CTNNA2: variants seen among roughly 807,000 people sequenced by gnomAD.
The protein encoded by CTNNA2 is catenin alpha-2.
In CTNNA2, 42 loss-of-function variants were observed where a neutral mutation model predicts 101.0. The observed-to-expected ratio is 0.42, with a 90% CI of 0.32 to 0.54. The LOEUF is 0.54. Among genes scored for constraint, CTNNA2 ranks in the 20% least tolerant of loss-of-function variants. CTNNA2 has a pLI of 0.14. For synonymous variants in CTNNA2, 450 were observed against 456.4 expected (o/e 0.99, Z 0.18); for missense variants, 871 against 1,223.1 (o/e 0.71, Z 4.29).
chr2:79,819,576 A>C (rs1484164807), intron 3 of CTNNA2, among the ~76,000 whole-genome samples: 1 of 152,224 alleles, frequency 6.6e-6, no homozygotes, highest in African/African-American at 2.4e-5. Flanking sequence ...ATAAGACTAT[A>C]AGAAATTCAA....
intron 2 of CTNNA2, among the ~76,000 whole-genome samples, chr2:79,306,738 A>G (rs1186134234): frequency 6.6e-6 from 1 of 152,188 alleles, no homozygotes; most frequent in Non-Finnish European, 1.5e-5. Flanking sequence ...GAATAACTAT[A>G]ATAGTTTTCA....
intron 6 of CTNNA2, among the ~76,000 whole-genome samples, chr2:79,885,296 C>G (rs899834744): frequency 6.6e-6 from 1 of 152,162 alleles, no homozygotes; most frequent in Non-Finnish European, 1.5e-5. Flanking sequence ...TGTTGTGCCT[C>G]CATTTCAAAT....
intron 18 of CTNNA2, among the ~76,000 whole-genome samples, chr2:80,632,094 A>G (rs1672360183): frequency 6.6e-6 from 1 of 152,172 alleles, no homozygotes; most frequent in South Asian, 2.1e-4. Context: ...CCAAGGAAAC[A>G]TAAGAGAATC....
intron 7 of CTNNA2, among the ~76,000 whole-genome samples, chr2:80,265,777 T>C: frequency 6.6e-6 from 1 of 152,194 alleles, no homozygotes; most frequent in East Asian, 1.9e-4. Context: ...TGGACACAGA[T>C]AACAACTGAG....
At chr2:80,374,420 T>C (rs1381092306) in intron 7 of CTNNA2, among the ~76,000 whole-genome samples, 4 of 152,210 alleles carry the variant, frequency 2.6e-5, no homozygotes, top group South Asian at 2.1e-4. Flanking sequence ...CAGTATTCCA[T>C]GGTGTATATG....
intron 16 of CTNNA2, 140 bp from the exon 17 acceptor site, chr2:80,608,044 G>T: frequency 4.7e-6 from 3 of 644,886 alleles, no homozygotes; most frequent in Non-Finnish European, 4.8e-6. Context: ...TTTCTAAAAT[G>T]CACTGTGAAA....
chr2:80,600,960 G>A (rs540505247), intron 15 of CTNNA2, among the ~76,000 whole-genome samples: 10 of 152,194 alleles, frequency 6.6e-5, no homozygotes, highest in African/African-American at 1.9e-4. Flanking sequence ...CTTTATTCTC[G>A]ACTAGTTGTA....
intron 7 of CTNNA2, among the ~76,000 whole-genome samples, chr2:79,933,666 G>T (rs1438078331): frequency 6.6e-6 from 1 of 152,054 alleles, no homozygotes; most frequent in Admixed American, 6.6e-5. Context: ...TGTTGGCCAG[G>T]CTGGTCTCGA....
At chr2:79,454,160 T>C (rs1670787926) in intron 4 of CTNNA2, among the ~76,000 whole-genome samples, 2 of 152,176 alleles carry the variant, frequency 1.3e-5, no homozygotes, top group African/African-American at 4.8e-5. Context: ...ATTTGCAAGA[T>C]TGTTTTTAAC....
At chr2:80,419,221 C>A (rs1470063235) in intron 8 of CTNNA2, among the ~76,000 whole-genome samples, 3 of 152,150 alleles carry the variant, frequency 2.0e-5, no homozygotes, top group Non-Finnish European at 4.4e-5. Context: ...GTGTATTGAG[C>A]AACAGGCCAT....
rs147165384 is a variant in CTNNA2, at chr2:79,741,915, C to T, written c.103-2472C>T. 7.5e-3 allele frequency among the ~76,000 whole-genome samples: 1,137 copies of T among 152,250 alleles called. 11 individuals carry two copies. Among genetic ancestry groups the T allele is most frequent in the South Asian group, 0.018 (87 of 4,820 alleles). ...AGCATTGACAATTGTTTATTCCGAG[C>T]TGATTATGACATGAGCCTTTATGGA... On this transcript the variant is annotated intron_variant, in intron 2 of 18. Coordinates refer to ENST00000402739, the MANE Select transcript of CTNNA2 (RefSeq NM_001282597.3).
chr2:80,337,945 G>A (rs963166110), intron 7 of CTNNA2, among the ~76,000 whole-genome samples: 4 of 152,072 alleles, frequency 2.6e-5, no homozygotes, highest in Non-Finnish European at 4.4e-5. Context: ...TTCCTAGAGC[G>A]GAATGTATGG....
At chr2:79,642,331 C>A (rs574289404) in intron 1 of CTNNA2, among the ~76,000 whole-genome samples, 2 of 152,172 alleles carry the variant, frequency 1.3e-5, no homozygotes, top group African/African-American at 4.8e-5. Context: ...ACCCGCACCC[C>A]ACCCTGCCTT....
intron 5 of CTNNA2, among the ~76,000 whole-genome samples, chr2:79,506,169 G>A (rs1671409063): frequency 6.6e-6 from 1 of 152,180 alleles, no homozygotes; most frequent in South Asian, 2.1e-4. Flanking sequence ...GTGCATGTGT[G>A]CATTTGTATG....
At chr2:80,568,647 T>G (rs188519631) in intron 12 of CTNNA2, among the ~76,000 whole-genome samples, 26 of 152,164 alleles carry the variant, frequency 1.7e-4, no homozygotes, top group African/African-American at 6.3e-4. Context: ...CTGTCTACTT[T>G]GGGTTCTGAG....
At chr2:80,245,080 G>A (rs918110800) in intron 7 of CTNNA2, among the ~76,000 whole-genome samples, 2 of 152,182 alleles carry the variant, frequency 1.3e-5, no homozygotes, top group Non-Finnish European at 2.9e-5. Flanking sequence ...GTTCACAGTC[G>A]AGTTCCCCTT....
intron 7 of CTNNA2, among the ~76,000 whole-genome samples, chr2:80,001,108 C>T (rs1692915754): frequency 1.3e-5 from 2 of 152,188 alleles, no homozygotes; most frequent in South Asian, 4.1e-4. Context: ...TCCATTTACA[C>T]ACAACTTTTT....
chr2:80,589,519 T>A (rs775332607), intron 15 of CTNNA2, 34 bp downstream of exon 15: 1 of 1,600,748 alleles, frequency 6.2e-7, no homozygotes, highest in Admixed American at 1.7e-5. Flanking sequence ...GAAGATTTTT[T>A]CATTAAACCC....
Position 80,555,881 on chromosome 2 carries a change from C to T in CTNNA2, c.1729C>T (p.Leu577Phe), listed in dbSNP as rs1692986761. The stretch of plus-strand genomic sequence containing the variant: ...GAAGGTGTTGGAAGCTACAAAATTG[C>T]TTTCTGAAACAGGTAAGCATGGGTA... Reference protein sequence around the residue: ...TEKVLEATKLLSETVMPRFAE... With the variant: ...TEKVLEATKLFSETVMPRFAE... Residue 577 changes from leucine (L) to phenylalanine (F), a missense_variant, in exon 12 of 19, where the codon CTT (leucine) becomes TTT (phenylalanine). Transcript: ENST00000402739. 1.3e-6 allele frequency: 2 copies of T among 1,546,168 alleles called. No homozygotes were observed. Among genetic ancestry groups the T allele is most frequent in the Non-Finnish European group, 1.7e-6 (2 of 1,144,466 alleles).
Sources: allele counts gnomAD v4.1 joint callset (sites outside exome capture counted in the v4.1 genomes callset), GRCh38; gene constraint gnomAD v4.1.1; transcripts MANE v1.5; gene names NCBI Gene and HGNC (gene_info 2026-07-23, HGNC 2026-07-21).